The following MCM3 variants were observed in gnomAD, a reference collection of about 807,000 sequenced individuals.
MCM3 encodes the protein DNA replication licensing factor MCM3.
MCM3 carries 59 observed loss-of-function variants against 91.3 expected under a neutral mutation model. The observed-to-expected ratio is 0.65, with a 90% CI of 0.52 to 0.80. The LOEUF is 0.80. MCM3 is among the 30% of genes least tolerant of loss of function. MCM3 has a pLI of 0.00. For missense variants in MCM3, 919 were observed against 1,035.4 expected, an observed-to-expected ratio of 0.89 and a Z score of 1.54; for synonymous variants, 383 against 379.6, an observed-to-expected ratio of 1.01 and a Z score of -0.10.
Position 52,279,510 on chromosome 6 carries a change from C to A in MCM3, c.621G>T (p.Lys207Asn). The A allele has an allele frequency of 2.5e-6, 4 of 1,614,144 alleles. No individual in the cohort carries two copies. Among genetic ancestry groups the A allele is most frequent in the Middle Eastern group, 1.6e-4 (1 of 6,062 alleles). The change falls in exon 5 of 17, where the codon AAG becomes AAT. Residue 207 changes from lysine (K) to asparagine (N), a missense_variant. Physicochemically the swap from Lys to Asn is moderately conservative, Grantham distance 94 (BLOSUM62 0). Around this residue, in one of 3 missense-constraint regions of MCM3, gnomAD observed 401 missense variants for 402.7 expected, o/e 1.00. Transcript: ENST00000596288. ...QTITIQEMPE[K>N]APAGQLPRSV... Reference sequence around the variant, plus strand: ...AGCGGGGGAGCTGGCCGGCTGGGGCCTTCTCCGGCATCTCCTGGATGGTGA... The same window carrying A: ...AGCGGGGGAGCTGGCCGGCTGGGGCATTCTCCGGCATCTCCTGGATGGTGA...
rs201353497 is a variant in MCM3 at position 52,264,697 on chromosome 6, T to G, written c.2318A>C (p.Asn773Thr). ...AGAGAAGGGCTCTTCGCTGTCCCGG[T>G]TGATGGATTCTGTGAGGCGATTCAT... Reference protein sequence around the residue: ...IGMNRLTESINRDSEEPFSSV... With the variant: ...IGMNRLTESITRDSEEPFSSV... The change falls in exon 17 of 17, where the codon AAC (asparagine) becomes ACC (threonine). Residue 773 changes from asparagine to threonine, a missense_variant. Physicochemically the swap from Asn to Thr is moderately conservative, Grantham distance 65. Transcript: ENST00000596288. 3 of 1,614,230 alleles carry G rather than the reference T, an allele frequency of 1.9e-6. No individual in the cohort carries two copies. The highest frequency in any genetic ancestry group is 4.5e-5 in the East Asian group (2 of 44,878).
intron 12 of MCM3, among the ~76,000 whole-genome samples, chr6:52,271,365 G>T (rs754529516): frequency 6.6e-6 from 1 of 152,016 alleles, no homozygotes; most frequent in Non-Finnish European, 1.5e-5. Context: ...AATTTGGGCC[G>T]GGCATGGTGG....
At chr6:52,276,613 TTAGAGGAAACCCTGG>T in intron 8 of MCM3, 137 bp from the exon 9 acceptor site, 1 of 720,042 alleles carries the variant, frequency 1.4e-6, no homozygotes, top group Admixed American at 2.9e-5. Flanking sequence ...TCCGAGAAAC[TTAGAGGAAACCCTGG>T]TGGGTCACCT....
intron 12 of MCM3, among the ~76,000 whole-genome samples, chr6:52,270,083 T>C (rs1274308098): frequency 1.3e-5 from 2 of 152,166 alleles, no homozygotes; most frequent in African/African-American, 4.8e-5. Flanking sequence ...CCTAGCACTT[T>C]GGGAGGCCAA....
intron 4 of MCM3, among the ~76,000 whole-genome samples, chr6:52,280,979 T>G (rs1562397310): frequency 6.6e-6 from 1 of 152,256 alleles, no homozygotes; most frequent in African/African-American, 2.4e-5. Flanking sequence ...TGACGAGGAC[T>G]GGGTCTTATT....
At chr6:52,269,778 G>A (rs1279702548) in intron 12 of MCM3, among the ~76,000 whole-genome samples, 3 of 152,182 alleles carry the variant, frequency 2.0e-5, no homozygotes, top group African/African-American at 4.8e-5. Flanking sequence ...CACAGGGGCC[G>A]ATGAATACCA....
intron 5 of MCM3, 129 bp from the exon 6 acceptor site, chr6:52,278,979 G>A: frequency 1.6e-6 from 1 of 607,896 alleles, no homozygotes; most frequent in Non-Finnish European, 2.9e-6. Context: ...GGTGGGGAGG[G>A]GGCAGGTAGC....
intron 1 of MCM3, 33 bp downstream of exon 1, chr6:52,284,564 G>C: frequency 6.4e-7 from 1 of 1,570,002 alleles, no homozygotes; most frequent in Non-Finnish European, 8.6e-7. Flanking sequence ...GGGGCTCCGA[G>C]CGCTAGAGCC....
At chr6:52,284,388 G>A (rs1186603593) in intron 1 of MCM3, among the ~76,000 whole-genome samples, 1 of 152,190 alleles carries the variant, frequency 6.6e-6, no homozygotes, top group Admixed American at 6.5e-5. Context: ...TTGTACTTAA[G>A]AGAAAGCTGG....
At chr6:52,266,904 G>A (rs902707754) in intron 14 of MCM3, among the ~76,000 whole-genome samples, 1 of 152,032 alleles carries the variant, frequency 6.6e-6, no homozygotes, top group Non-Finnish European at 1.5e-5. Flanking sequence ...GCTTCCCAAC[G>A]CTCTTTTCCA....
In MCM3 at chr6:52,282,633, GC is replaced by G; in HGVS notation, c.400+19del. Reference sequence around the variant, plus strand: ...TCCCTGTCTATTCATTTCCTAAGCGGCCCCCTTTAACCCACTTACATTTAGT... The same window carrying G: ...TCCCTGTCTATTCATTTCCTAAGCGGCCCCTTTAACCCACTTACATTTAGT... On this transcript the variant is annotated intron_variant, in intron 3 of 16. Transcript: ENST00000596288. 1 of 1,608,780 alleles carries G rather than the reference GC, an allele frequency of 6.2e-7. No homozygotes were observed. The highest frequency in any genetic ancestry group is 8.5e-7 in the Non-Finnish European group (1 of 1,176,792).
In MCM3 at chr6:52,272,374, T is replaced by C. The variant is rs753808015; in HGVS notation, c.1754A>G (p.Glu585Gly). Residue 585 changes from glutamate to glycine, a missense_variant, in exon 12 of 17, where the codon GAG (glutamate) becomes GGG (glycine). This residue lies in a region of MCM3 where 285 missense variants were observed against 311.4 expected (regional missense o/e 0.92). Transcript: ENST00000596288. ...AKIIKPVLTQ[E>G]SATYIAEEYS... ...CTCTTCTGCAATGTAGGTGGCCGAC[T>C]CCTGTGTCAGGACAGGCTTGATGAT... The C allele has an allele frequency of 1.2e-6, 2 of 1,614,192 alleles. No homozygotes were observed. Among genetic ancestry groups the C allele is most frequent in the South Asian group, 2.2e-5 (2 of 91,078 alleles).
Position 52,266,618 on chromosome 6 carries a change from C to T in MCM3, c.2151G>A (p.Met717Ile). The change falls in exon 15 of 17, where the codon ATG (methionine) becomes ATA (isoleucine). Residue 717 changes from methionine to isoleucine, a missense_variant. Met to Ile is a conservative substitution (Grantham distance 10). Coordinates refer to ENST00000596288, the MANE Select transcript of MCM3 (RefSeq NM_002388.6). ...PYDFSDTEEE[M>I]PQVHTPKTAD... ...GTAAGTGGGCTCACTCACCTTGAGG[C>T]ATTTCCTCCTCTGTGTCACTGAAGT... The T allele has an allele frequency of 6.2e-7, 1 of 1,613,970 alleles. No individual in the cohort carries two copies. The highest frequency in any genetic ancestry group is 1.1e-5 in the South Asian group (1 of 91,070).
chr6:52,282,685 C>G lies in MCM3; in HGVS notation c.368G>C (p.Cys123Ser). The change falls in exon 3 of 17, where the codon TGT (cysteine) becomes TCT (serine). Residue 123 changes from cysteine (C) to serine (S), a missense_variant. By Grantham distance (112) the Cys-to-Ser change is moderately radical. Transcript: ENST00000596288. ...PRTLTSCFLS[C>S]VVCVEGIVTK... The stretch of plus-strand genomic sequence containing the variant: ...GACAATGCCCTCCACACAGACCACA[C>G]AGCTGAGGAAGCAGGAGGTAAGAGT... The G allele has an allele frequency of 1.4e-5, 23 of 1,613,662 alleles. No homozygotes were observed. The highest frequency in any genetic ancestry group is 1.9e-5 in the Non-Finnish European group (23 of 1,180,030).
At chr6:52,264,832 A>G in intron 16 of MCM3, 46 bp from the exon 17 acceptor site, 1 of 1,535,588 alleles carries the variant, frequency 6.5e-7, no homozygotes, top group Non-Finnish European at 9.0e-7. Flanking sequence ...ACAAACCCAA[A>G]TGCTCTCAGG....
intron 12 of MCM3, among the ~76,000 whole-genome samples, chr6:52,270,848 T>C (rs935056598): frequency 3.9e-5 from 6 of 152,192 alleles, no homozygotes; most frequent in African/African-American, 1.2e-4. Context: ...GTAAAAGTTG[T>C]GGGAAAATAG....
chr6:52,266,788 G>A, intron 14 of MCM3, 92 bp from the exon 15 acceptor site: 1 of 948,632 alleles, frequency 1.1e-6, no homozygotes, highest in East Asian at 2.4e-5. Context: ...CGGAGAAAAG[G>A]AAACAGAACC....
Position 52,273,325 on chromosome 6 carries a change from C to G in MCM3, c.1581G>C (p.Leu527=). 6.2e-7 allele frequency: 1 copy of G among 1,614,116 alleles called. No homozygotes were observed. Among genetic ancestry groups the G allele is most frequent in the African/African-American group, 1.3e-5 (1 of 75,012 alleles). The change falls in exon 11 of 17, where the codon CTG becomes CTC. Residue 527 remains leucine (L), a synonymous_variant. Transcript: ENST00000596288. Reference sequence around the variant, plus strand: ...GGCTAAAGTTGGGATCATCTGTGGCCAGGATATCCACAGCACTACCCAAGG... The same window carrying G: ...GGCTAAAGTTGGGATCATCTGTGGCGAGGATATCCACAGCACTACCCAAGG... ...AMPLGSAVDI[L]ATDDPNFSQE...
intron 6 of MCM3, among the ~76,000 whole-genome samples, chr6:52,278,212 A>T (rs1226087632): frequency 6.6e-6 from 1 of 152,114 alleles, no homozygotes; most frequent in East Asian, 1.9e-4. Context: ...AGCAGCCTGG[A>T]TTCCAAAACT....
Sources: gnomAD v4.1 joint callset for allele counts (sites outside exome capture counted in the v4.1 genomes callset) on GRCh38, gnomAD v4.1.1 for gene constraint, gnomAD v4.1.1 regional missense constraint, MANE v1.5 for transcripts, NCBI Gene and HGNC (gene_info 2026-07-23, HGNC 2026-07-21) for gene names.